The following NCOA5 variants were observed in gnomAD, a reference collection of about 807,000 sequenced individuals.
NCOA5 encodes the protein nuclear receptor coactivator 5, also known as NCoA-5.
NCOA5 carries 12 observed loss-of-function variants against 59.0 expected under a neutral mutation model. The observed-to-expected ratio is 0.20, with a 90% CI of 0.13 to 0.33. NCOA5 has a LOEUF of 0.33. Ranked by LOEUF, NCOA5 falls within the 10% of genes least tolerant of loss-of-function variation. The probability of loss-of-function intolerance (pLI) is 1.00; values close to 1 mark genes in which losing one functional copy is unlikely to be tolerated. For missense variants in NCOA5, 655 were observed against 766.6 expected (o/e 0.85, Z 1.72); for synonymous variants, 270 against 275.5 (o/e 0.98, Z 0.20).
At chr20:46,067,352 G>A (rs2084835646) in intron 4 of NCOA5, among the ~76,000 whole-genome samples, 171 bp from the exon 5 acceptor site, 1 of 152,066 alleles carries the variant, frequency 6.6e-6, no homozygotes, top group South Asian at 2.1e-4. Flanking sequence ...ATGTAATGCT[G>A]GATTAAAGGA....
At chr20:46,065,950 G>A (rs1044392092) in intron 5 of NCOA5, among the ~76,000 whole-genome samples, 12 of 152,126 alleles carry the variant, frequency 7.9e-5, no homozygotes, top group African/African-American at 2.9e-4. Flanking sequence ...CCTAGTATGG[G>A]GTAGTACATA....
At chr20:46,078,086 C>T (rs1406453986) in intron 2 of NCOA5, among the ~76,000 whole-genome samples, 2 of 152,248 alleles carry the variant, frequency 1.3e-5, no homozygotes, top group African/African-American at 2.4e-5. Context: ...ATCCACACGA[C>T]AGCTGTGGTA....
chr20:46,072,562 T>C (rs1051838257), intron 2 of NCOA5, among the ~76,000 whole-genome samples: 1 of 152,188 alleles, frequency 6.6e-6, no homozygotes. Context: ...TGTATAATCT[T>C]GGCTCCTGTC....
intron 2 of NCOA5, among the ~76,000 whole-genome samples, chr20:46,072,990 T>C (rs1012685477): frequency 6.6e-6 from 1 of 152,216 alleles, no homozygotes; most frequent in African/African-American, 2.4e-5. Context: ...AGTACAAACT[T>C]CTATAACCGC....
chr20:46,087,688 G>A (rs2085058614), intron 1 of NCOA5, among the ~76,000 whole-genome samples: 1 of 152,164 alleles, frequency 6.6e-6, no homozygotes, highest in South Asian at 2.1e-4. Flanking sequence ...GAACCCGGGG[G>A]CCAAGATCGC....
intron 3 of NCOA5, among the ~76,000 whole-genome samples, chr20:46,069,592 G>A (rs999325366): frequency 1.1e-4 from 17 of 152,170 alleles, no homozygotes; most frequent in African/African-American, 4.1e-4. Context: ...TTAGCCAGGT[G>A]TGGCGGCATA....
chr20:46,064,921 A>G, intron 6 of NCOA5, 108 bp downstream of exon 6: 1 of 1,044,096 alleles, frequency 9.6e-7, no homozygotes, highest in Non-Finnish European at 1.5e-6. Context: ...GCCCTACCAT[A>G]TATGAACTGA....
intron 2 of NCOA5, among the ~76,000 whole-genome samples, chr20:46,074,789 A>G (rs563955903): frequency 6.6e-6 from 1 of 152,304 alleles, no homozygotes; most frequent in East Asian, 1.9e-4. Flanking sequence ...GAAAACTGTG[A>G]TGGACTTTGA....
At chr20:46,080,882 T>A (rs1043927213) in intron 1 of NCOA5, among the ~76,000 whole-genome samples, 18 of 152,258 alleles carry the variant, frequency 1.2e-4, no homozygotes, top group African/African-American at 4.3e-4. Context: ...CTGCATGCAG[T>A]ACTTTCACAA....
chr20:46,079,294 G>A, intron 2 of NCOA5, 93 bp downstream of exon 2: 2 of 1,199,444 alleles, frequency 1.7e-6, no homozygotes, highest in East Asian at 2.3e-5. Flanking sequence ...TTCACTTGTT[G>A]GGGGGAAGAA....
chr20:46,073,648 G>A (rs2084907544), intron 2 of NCOA5, among the ~76,000 whole-genome samples: 1 of 152,218 alleles, frequency 6.6e-6, no homozygotes. Flanking sequence ...GGCAATCAGG[G>A]CTGAGATATC....
intron 4 of NCOA5, among the ~76,000 whole-genome samples, chr20:46,067,622 T>C (rs1437398649): frequency 1.3e-5 from 2 of 150,708 alleles, no homozygotes; most frequent in Non-Finnish European, 3.0e-5. Flanking sequence ...TTAAAAGTTC[T>C]TTTTTTAAAA....
In NCOA5 at chr20:46,089,828, CGGCGG is replaced by C. The variant is rs1225269566; in HGVS notation, c.-46_-42del. On this transcript the variant is annotated 5_prime_UTR_variant, in exon 1 of 8. Coordinates refer to ENST00000290231, the MANE Select transcript of NCOA5 (RefSeq NM_020967.3). ...TTCCCGGCACTCACCGCTACCAGCG[CGGCGG>C]GCTCCCGGCCGCTCCTTCGCCTCAG... 1 of 152,170 alleles carries C rather than the reference CGGCGG, an allele frequency of 6.6e-6. No individual in the cohort carries two copies. Among genetic ancestry groups the C allele is most frequent in the Non-Finnish European group, 1.5e-5 (1 of 68,038 alleles). 9.4% of individuals were successfully genotyped at this position (152,170 alleles called of 1,614,324 possible).
chr20:46,067,285 G>T, intron 4 of NCOA5, 104 bp from the exon 5 acceptor site: 2 of 1,326,034 alleles, frequency 1.5e-6, no homozygotes, highest in Non-Finnish European at 2.0e-6. Flanking sequence ...CAATCCTCTG[G>T]TCTATCTCCT....
intron 1 of NCOA5, among the ~76,000 whole-genome samples, chr20:46,086,151 T>TA (rs1653862929): frequency 6.6e-6 from 1 of 152,202 alleles, no homozygotes. Context: ...ACGCTGGGAT[T>TA]ACAGGTGTGA....
chr20:46,067,284 G>T, intron 4 of NCOA5, 103 bp from the exon 5 acceptor site: 2 of 1,327,562 alleles, frequency 1.5e-6, no homozygotes, highest in South Asian at 1.6e-5. Context: ...TCAATCCTCT[G>T]GTCTATCTCC....
At chr20:46,067,221 A>C (rs748971507) in intron 4 of NCOA5, 40 bp from the exon 5 acceptor site, 1 of 1,590,314 alleles carries the variant, frequency 6.3e-7, no homozygotes. Context: ...TAAGGACTGG[A>C]CCCTCATTTT....
chr20:46,064,170 C>T (rs180783137), intron 6 of NCOA5, among the ~76,000 whole-genome samples: 2 of 152,214 alleles, frequency 1.3e-5, no homozygotes, highest in Admixed American at 1.3e-4. Flanking sequence ...ATAACCTCCT[C>T]TCCTCACCCA....
intron 2 of NCOA5, among the ~76,000 whole-genome samples, chr20:46,075,123 A>C (rs1286668906): frequency 1.3e-5 from 2 of 152,242 alleles, no homozygotes; most frequent in Non-Finnish European, 2.9e-5. Context: ...TGGAGACAAC[A>C]GACTTGTCCA....
Sources: gnomAD v4.1 joint callset for allele counts (sites outside exome capture counted in the v4.1 genomes callset) on GRCh38, gnomAD v4.1.1 for gene constraint, MANE v1.5 for transcripts, NCBI Gene and HGNC (gene_info 2026-07-23, HGNC 2026-07-21) for gene names.